BTG4: variants seen among roughly 807,000 people sequenced by gnomAD.
BTG4 encodes protein BTG4.
BTG4 carries 10 observed loss-of-function variants against 19.3 expected under a neutral mutation model. The ratio of observed to expected loss-of-function variants is 0.52; its 90% CI spans 0.32 to 0.88. BTG4 has a LOEUF of 0.88. Among genes scored for constraint, BTG4 ranks in the 40% least tolerant of loss-of-function variants. The pLI is 0.04. For synonymous variants in BTG4, 91 were observed against 95.7 expected (o/e 0.95, Z 0.29); for missense variants, 238 against 281.9 (o/e 0.84, Z 1.11).
the BTG4 span, among the ~76,000 whole-genome samples, chr11:111,437,019 G>A: frequency 6.6e-6 from 1 of 152,174 alleles, no homozygotes; most frequent in African/African-American, 2.4e-5. Flanking sequence ...CCTGTCTGCG[G>A]AGACTTTTAT....
At chr11:111,464,948 T>G (rs1283436029), downstream of BTG4, among the ~76,000 whole-genome samples, 1 of 152,062 alleles carries the variant, frequency 6.6e-6, no homozygotes, top group Non-Finnish European at 1.5e-5. Context: ...AATCTAAATC[T>G]TGGGACTTCA....
the BTG4 span, among the ~76,000 whole-genome samples, chr11:111,451,563 G>A: frequency 1.3e-5 from 2 of 152,144 alleles, no homozygotes; most frequent in African/African-American, 2.4e-5. Flanking sequence ...TCGGAAGTTC[G>A]AGACCAGCCT....
At chr11:111,507,130 C>A (rs1189236679) in intron 1 of BTG4, among the ~76,000 whole-genome samples, 2 of 150,312 alleles carry the variant, frequency 1.3e-5, no homozygotes, top group African/African-American at 4.9e-5. Flanking sequence ...CAAGAATAAG[C>A]AGACACAGAG....
chr11:111,495,239 C>T lies in BTG4; in HGVS notation c.586G>A (p.Gly196Ser). ...CCATGGTAAGTGTTTCCCAGGAGGC[C>T]AACACGGCCGTCCACCACATTCTTT... ...RKKNVVDGRV[G>S]LLGNTYHGSQ... Residue 196 changes from glycine (G) to serine (S), a missense_variant, in exon 5 of 5, where the codon GGC becomes AGC. Physicochemically the swap from Gly to Ser is moderately conservative, Grantham distance 56 (BLOSUM62 0). Coordinates refer to ENST00000692032, the MANE Select transcript of BTG4 (RefSeq NM_001367975.1). 1 of 1,612,456 alleles carries T rather than the reference C, an allele frequency of 6.2e-7. No individual in the cohort carries two copies. The highest frequency in any genetic ancestry group is 8.5e-7 in the Non-Finnish European group (1 of 1,179,382).
the BTG4 span, among the ~76,000 whole-genome samples, chr11:111,437,717 G>A: frequency 6.6e-6 from 1 of 152,126 alleles, no homozygotes; most frequent in Non-Finnish European, 1.5e-5. Context: ...CAGCTCAGGA[G>A]CAGGCTCTTC....
At chr11:111,430,032 C>T in the BTG4 span, among the ~76,000 whole-genome samples, 1 of 152,322 alleles carries the variant, frequency 6.6e-6, no homozygotes, top group East Asian at 1.9e-4. Context: ...CTGAACACAG[C>T]AAGCACATCA....
downstream of BTG4, among the ~76,000 whole-genome samples, chr11:111,492,527 T>TATCAA (rs1236076926): frequency 6.6e-6 from 1 of 152,226 alleles, no homozygotes; most frequent in African/African-American, 2.4e-5. Context: ...TAATGCCGTG[T>TATCAA]ATCAGATTAT....
intron 2 of BTG4, 62 bp from the exon 3 acceptor site, chr11:111,498,197 T>C (rs936591280): frequency 7.0e-6 from 11 of 1,564,580 alleles, no homozygotes; most frequent in Non-Finnish European, 9.6e-6. Flanking sequence ...GAGAATCACA[T>C]TATGCACATA....
At chr11:111,409,280 T>C in the BTG4 span, among the ~76,000 whole-genome samples, 3 of 152,106 alleles carry the variant, frequency 2.0e-5, no homozygotes, top group East Asian at 1.9e-4. Context: ...GAAACACATG[T>C]TGAAATTTCA....
At chr11:111,489,463 T>A (rs141614311) in intron 5 of BTG4, among the ~76,000 whole-genome samples, 160 of 152,244 alleles carry the variant, frequency 1.1e-3, no homozygotes, top group African/African-American at 3.5e-3. Context: ...AAACAGTATA[T>A]CGAAGAGATA....
intron 1 of BTG4, among the ~76,000 whole-genome samples, chr11:111,500,296 C>G (rs1865988515): frequency 6.6e-6 from 1 of 152,322 alleles, no homozygotes; most frequent in South Asian, 2.1e-4. Context: ...AGAAGCCACA[C>G]CTGACATACG....
chr11:111,506,903 G>C (rs1209512505), intron 1 of BTG4, among the ~76,000 whole-genome samples: 2 of 151,950 alleles, frequency 1.3e-5, no homozygotes, highest in African/African-American at 4.8e-5. Context: ...TAGAATTTGA[G>C]CTTGAGATTT....
chr11:111,426,219 G>A, the BTG4 span, among the ~76,000 whole-genome samples: 2 of 151,982 alleles, frequency 1.3e-5, no homozygotes, highest in Non-Finnish European at 2.9e-5. Flanking sequence ...CAGCCAGAGA[G>A]AGGTGAGAAT....
chr11:111,514,221 T>G, upstream of BTG4: 1 of 158,370 alleles, frequency 6.3e-6, no homozygotes, highest in Non-Finnish European at 1.4e-5. Flanking sequence ...CACTTACACT[T>G]TAAATCCAGC....
chr11:111,456,136 C>T, the BTG4 span, among the ~76,000 whole-genome samples: 1 of 152,176 alleles, frequency 6.6e-6, no homozygotes, highest in African/African-American at 2.4e-5. The surrounding 1 kb of genome is among the most constrained non-coding windows in gnomAD (Gnocchi z 4.2). Context: ...TTTATAGATC[C>T]GGAGGCACTT....
At chr11:111,427,997 T>C in the BTG4 span, among the ~76,000 whole-genome samples, 55,843 of 152,044 alleles carry the variant, frequency 0.37, 10,317 homozygotes, top group Middle Eastern at 0.48. Context: ...CCTTCCTGCT[T>C]GCCGACAAGC....
At chr11:111,444,221 T>G in the BTG4 span, among the ~76,000 whole-genome samples, 1 of 143,616 alleles carries the variant, frequency 7.0e-6, no homozygotes, top group Non-Finnish European at 1.5e-5. Flanking sequence ...AGAGACAGTG[T>G]GTGTATGTAT....
downstream of BTG4, among the ~76,000 whole-genome samples, chr11:111,492,944 G>C (rs1865504030): frequency 6.6e-6 from 1 of 152,182 alleles, no homozygotes; most frequent in South Asian, 2.1e-4. Flanking sequence ...CCAGGAGTTT[G>C]AGACCAGCGT....
intron 5 of BTG4, among the ~76,000 whole-genome samples, chr11:111,481,416 C>T (rs1864732781): frequency 6.6e-6 from 1 of 151,678 alleles, no homozygotes; most frequent in Admixed American, 6.6e-5. Context: ...AAGAGCATTA[C>T]ATTCTGATCT....
Sources: gnomAD v4.1 joint callset for allele counts (sites outside exome capture counted in the v4.1 genomes callset) on GRCh38, gnomAD v4.1.1 for gene constraint, Gnocchi (gnomAD v3.1) non-coding constraint, MANE v1.5 for transcripts, NCBI Gene and HGNC (gene_info 2026-07-23, HGNC 2026-07-21) for gene names.